The following SCRG1 variants were observed in gnomAD, a reference collection of about 807,000 sequenced individuals.
SCRG1 encodes stimulator of chondrogenesis 1.
In SCRG1, 3 loss-of-function variants were observed where a neutral mutation model predicts 7.7. The ratio of observed to expected loss-of-function variants is 0.39; its 90% CI spans 0.18 to 1.01. The LOEUF (loss-of-function observed/expected upper bound fraction) is 1.01, where lower values mean the gene tolerates loss of function less well. Among genes scored for constraint, SCRG1 ranks in the 50% least tolerant of loss-of-function variants. The probability of loss-of-function intolerance (pLI) is 0.36; values close to 1 mark genes in which losing one functional copy is unlikely to be tolerated. For synonymous variants in SCRG1, 46 were observed against 41.2 expected, an observed-to-expected ratio of 1.12 and a Z score of -0.44; for missense variants, 110 against 117.2, an observed-to-expected ratio of 0.94 and a Z score of 0.28.
upstream of SCRG1, among the ~76,000 whole-genome samples, chr4:173,408,991 CAAAAAAAAA>C (rs991902394): frequency 1.3e-3 from 66 of 51,280 alleles, no homozygotes; most frequent in African/African-American, 4.1e-3. Context: ...GACTCAGTCT[CAAAAAAAAA>C]AAAAAAAAAA....
the SCRG1 span, among the ~76,000 whole-genome samples, chr4:173,434,525 A>G: frequency 6.6e-6 from 1 of 152,186 alleles, no homozygotes; most frequent in Non-Finnish European, 1.5e-5. Context: ...ATTTTAAAAT[A>G]TTTGGTTTAA....
the SCRG1 span, among the ~76,000 whole-genome samples, chr4:173,432,165 T>A: frequency 2.0e-5 from 3 of 152,150 alleles, no homozygotes; most frequent in Non-Finnish European, 2.9e-5. Context: ...TATCATGGGA[T>A]CTGGAAAATC....
the SCRG1 span, among the ~76,000 whole-genome samples, chr4:173,514,529 A>T: frequency 1.2e-4 from 19 of 152,268 alleles, no homozygotes; most frequent in South Asian, 2.1e-4. Context: ...GTTACTCATG[A>T]ACTTTAAGTT....
At chr4:173,453,834 T>C in the SCRG1 span, among the ~76,000 whole-genome samples, 4 of 152,082 alleles carry the variant, frequency 2.6e-5, no homozygotes, top group Non-Finnish European at 5.9e-5. Context: ...CCCAGCACTT[T>C]GGGAAGCTGA....
At position 173,391,204 on chromosome 4, in the gene SCRG1, A is replaced by G. The variant is rs1477687781; in HGVS notation, c.211T>C (p.Cys71Arg). The G allele has an allele frequency of 6.2e-7, 1 of 1,614,094 alleles. No individual in the cohort carries two copies. Among genetic ancestry groups the G allele is most frequent in the African/African-American group, 1.3e-5 (1 of 74,950 alleles). The change falls in exon 2 of 3, where the codon TGC becomes CGC. Residue 71 changes from cysteine to arginine, a missense_variant. By Grantham distance (180) the Cys-to-Arg change is radical. Transcript: ENST00000296506. ...DGKGCEMICYCNFSELLCCPK... is the reference protein window; with the variant it reads ...DGKGCEMICYRNFSELLCCPK... Reference sequence around the variant, plus strand: ...CAGCAGAGCAATTCGCTGAAGTTGCAGTAACAGATCATCTCACATCCCTTC... The same window carrying G: ...CAGCAGAGCAATTCGCTGAAGTTGCGGTAACAGATCATCTCACATCCCTTC...
At chr4:173,483,912 ATAT>A in the SCRG1 span, among the ~76,000 whole-genome samples, 1 of 96,800 alleles carries the variant, frequency 1.0e-5, no homozygotes, top group Non-Finnish European at 1.8e-5. Context: ...ATTTCATATA[ATAT>A]ATGTTATATA....
the SCRG1 span, among the ~76,000 whole-genome samples, chr4:173,515,651 G>C: frequency 2.0e-5 from 3 of 152,098 alleles, no homozygotes; most frequent in Non-Finnish European, 2.9e-5. The surrounding 1 kb of genome is among the most constrained non-coding windows in gnomAD (Gnocchi z 4.6). Flanking sequence ...CAGGCTGTGC[G>C]GGGAGGTGGT....
chr4:173,448,291 C>CA, the SCRG1 span, among the ~76,000 whole-genome samples: 2 of 152,354 alleles, frequency 1.3e-5, no homozygotes, highest in African/African-American at 4.8e-5. Context: ...GGCCATCTGC[C>CA]ATGCTCTTGA....
At chr4:173,405,837 T>C (rs1739889273) in intron 1 of SCRG1, among the ~76,000 whole-genome samples, 1 of 152,172 alleles carries the variant, frequency 6.6e-6, no homozygotes, top group South Asian at 2.1e-4. Flanking sequence ...ATCTTGTGTA[T>C]TTCCTGTCCC....
chr4:173,516,473 G>C, the SCRG1 span, among the ~76,000 whole-genome samples: 1 of 152,174 alleles, frequency 6.6e-6, no homozygotes, highest in African/African-American at 2.4e-5. Context: ...TATCAAGGAC[G>C]AGTTAGGTAA....
chr4:173,391,372 G>A lies in SCRG1; in HGVS notation c.43C>T (p.Leu15=). Residue 15 remains leucine (L), a synonymous_variant, in exon 2 of 3, where the codon CTG becomes TTG. Coordinates refer to ENST00000296506, the MANE Select transcript of SCRG1 (RefSeq NM_007281.4). ...GCAGGCATGGCTTGAACTCCTAGCAGCAAAGTTAGCCCAATGGTGAAAACA... is the reference window on the plus strand; with the variant it reads ...GCAGGCATGGCTTGAACTCCTAGCAACAAAGTTAGCCCAATGGTGAAAACA... ...VLVFTIGLTL[L]LGVQAMPANR... The A allele has an allele frequency of 6.2e-7, 1 of 1,614,154 alleles. No individual in the cohort carries two copies. The highest frequency in any genetic ancestry group is 1.6e-4 in the Middle Eastern group (1 of 6,062).
At chr4:173,498,057 T>G in the SCRG1 span, among the ~76,000 whole-genome samples, 1 of 152,316 alleles carries the variant, frequency 6.6e-6, no homozygotes, top group Non-Finnish European at 1.5e-5. Context: ...GAGTTTGTTG[T>G]GTGAAGGGAA....
chr4:173,463,432 GC>G, the SCRG1 span, among the ~76,000 whole-genome samples: 8 of 152,038 alleles, frequency 5.3e-5, no homozygotes, highest in Non-Finnish European at 7.4e-5. Context: ...ACGCCACCAT[GC>G]CCAGTTAAAT....
the SCRG1 span, among the ~76,000 whole-genome samples, chr4:173,500,452 A>G: frequency 6.6e-6 from 1 of 151,902 alleles, no homozygotes; most frequent in Non-Finnish European, 1.5e-5. Flanking sequence ...TGAATCACCA[A>G]CGAAGACCCT....
the SCRG1 span, among the ~76,000 whole-genome samples, chr4:173,466,763 G>A: frequency 6.6e-6 from 1 of 152,148 alleles, no homozygotes; most frequent in South Asian, 2.1e-4. Flanking sequence ...CACACTGAAA[G>A]CTGTAAAACT....
the SCRG1 span, among the ~76,000 whole-genome samples, chr4:173,480,355 T>C: frequency 0.048 from 7,229 of 152,162 alleles, 232 homozygotes; most frequent in Non-Finnish European, 0.072. Flanking sequence ...CTGGTTTTTT[T>C]TGTTTGTTTG....
the SCRG1 span, among the ~76,000 whole-genome samples, chr4:173,416,537 A>G: frequency 6.6e-6 from 1 of 152,248 alleles, no homozygotes; most frequent in Non-Finnish European, 1.5e-5. Flanking sequence ...AGGATCGCTT[A>G]AGCCCAGGAG....
the SCRG1 span, among the ~76,000 whole-genome samples, chr4:173,507,744 T>G: frequency 6.6e-6 from 1 of 152,168 alleles, no homozygotes; most frequent in African/African-American, 2.4e-5. This position sits in a 1 kb window ranked among gnomAD's most constrained non-coding sequence, Gnocchi z 4.4. Context: ...GAGCAATCTC[T>G]TTTGTATCAC....
the SCRG1 span, among the ~76,000 whole-genome samples, chr4:173,431,390 C>G: frequency 4.6e-5 from 7 of 152,144 alleles, no homozygotes; most frequent in African/African-American, 1.7e-4. Flanking sequence ...AGGGTAGAAA[C>G]AGCAAGAACC....
Sources: gnomAD v4.1 joint callset for allele counts (sites outside exome capture counted in the v4.1 genomes callset) on GRCh38, gnomAD v4.1.1 for gene constraint, Gnocchi (gnomAD v3.1) non-coding constraint, MANE v1.5 for transcripts, NCBI Gene and HGNC (gene_info 2026-07-23, HGNC 2026-07-21) for gene names.